NCOR2: variants seen among roughly 807,000 people sequenced by gnomAD.
The protein encoded by NCOR2 is nuclear receptor corepressor 2.
In NCOR2, 81 loss-of-function variants were observed where a neutral mutation model predicts 262.9. The observed-to-expected ratio is 0.31, with a 90% CI of 0.26 to 0.37. The LOEUF is 0.37. Ranked by LOEUF, NCOR2 falls within the 10% of genes least tolerant of loss-of-function variation. NCOR2 has a pLI of 1.00. For missense variants in NCOR2, 3,385 were observed against 3,621.4 expected (o/e 0.93, Z 1.68); for synonymous variants, 1,659 against 1,559.3 (o/e 1.06, Z -1.51).
chr12:124,400,740 A>G (rs2041947349), intron 14 of NCOR2, 67 bp from the exon 17 acceptor site: 12 of 1,578,426 alleles, frequency 7.6e-6, no homozygotes, highest in Non-Finnish European at 1.0e-5. Flanking sequence ...CCACTGGAGG[A>G]GACTGTTTCT....
intron 4 of NCOR2, 79 bp from the exon 7 acceptor site, chr12:124,466,365 GC>G: frequency 7.4e-7 from 1 of 1,354,354 alleles, no homozygotes; most frequent in East Asian, 2.5e-5. Context: ...GCGCGGGGAG[GC>G]CCCCTTGCAG....
Position 124,503,646 on chromosome 12 carries a change from G to C in NCOR2, c.-117-8278C>G, listed in dbSNP as rs997692311. Among the ~76,000 whole-genome samples, 1 of 148,246 alleles carries C rather than the reference G, an allele frequency of 6.7e-6. No individual in the cohort carries two copies. The highest frequency in any genetic ancestry group is 1.5e-5 in the Non-Finnish European group (1 of 67,374). ...TGGATGGATGGATGGGCGAATGGAT[G>C]GATGGATGGATGGATGGACGGGTGA... is the stretch of plus-strand genomic sequence containing the variant. On this transcript the variant is annotated intron_variant, in intron 1 of 46. Transcript: ENST00000404621. This position sits in a 1 kb window ranked among gnomAD's most constrained non-coding sequence, Gnocchi z 4.3.
rs1250156028 is a variant in NCOR2, at chr12:124,331,051, G to A, written c.6905-153C>T. ...TGCAGCAGGCCTGGGACAGGGCCAA[G>A]CGTCTGCATTTCTTTTTTTTTTTTT... On this transcript the variant is annotated intron_variant, in intron 43 of 46. Coordinates refer to ENST00000405201, the Ensembl canonical transcript of NCOR2. Among the ~76,000 whole-genome samples the A allele has an allele frequency of 5.1e-4, 78 of 151,524 alleles. 2 individuals are homozygous for A. The highest frequency in any genetic ancestry group is 5.1e-3 in the Admixed American group (78 of 15,176).
chr12:124,361,992 GTTCCA>G, intron 22 of NCOR2, 129 bp downstream of exon 24: 1 of 802,598 alleles, frequency 1.2e-6, no homozygotes, highest in Non-Finnish European at 1.7e-6. Context: ...CTGCTCAACT[GTTCCA>G]TTCGTTTACT....
At chr12:124,328,072 C>T (rs188967239) in intron 44 of NCOR2, among the ~76,000 whole-genome samples, 98 of 152,124 alleles carry the variant, frequency 6.4e-4, no homozygotes, top group African/African-American at 2.3e-3. Flanking sequence ...GATGGGAGGG[C>T]TACCCTGTTT....
At chr12:124,342,188 T>C in intron 33 of NCOR2, 114 bp from the exon 36 acceptor site, 2 of 1,289,234 alleles carry the variant, frequency 1.6e-6, no homozygotes, top group Non-Finnish European at 2.1e-6. Flanking sequence ...CCCACCTACA[T>C]GTGTGGCTGC....
At chr12:124,402,326 C>A in intron 14 of NCOR2, 78 bp downstream of exon 16, 2 of 1,588,110 alleles carry the variant, frequency 1.3e-6, no homozygotes, top group Admixed American at 1.7e-5. Flanking sequence ...CCCGTCTCTA[C>A]AAAGGGTCCC....
chr12:124,438,535 C>G (rs1028778893), intron 7 of NCOR2, among the ~76,000 whole-genome samples: 9 of 149,654 alleles, frequency 6.0e-5, no homozygotes, highest in Admixed American at 2.0e-4. Flanking sequence ...GGCCACCAGG[C>G]ATGGACTTCA....
intron 44 of NCOR2, 121 bp downstream of exon 46, chr12:124,330,724 A>G: frequency 8.8e-7 from 1 of 1,138,920 alleles, no homozygotes; most frequent in Non-Finnish European, 1.3e-6. Context: ...AGTTCATCCC[A>G]GAATGAGGGG....
At chr12:124,377,331 C>T (rs1019773706) in intron 18 of NCOR2, among the ~76,000 whole-genome samples, 3 of 152,116 alleles carry the variant, frequency 2.0e-5, no homozygotes, top group African/African-American at 4.8e-5. Context: ...GTACCTGGGG[C>T]GCCTGGGCCC....
At chr12:124,358,525 A>G (rs987833363) in intron 22 of NCOR2, among the ~76,000 whole-genome samples, 1 of 152,210 alleles carries the variant, frequency 6.6e-6, no homozygotes, top group Non-Finnish European at 1.5e-5. Context: ...GGTACTCAGC[A>G]CAGGCACTGT....
chr12:124,437,855 C>A, intron 8 of NCOR2, 75 bp downstream of exon 10: 2 of 1,413,966 alleles, frequency 1.4e-6, no homozygotes, highest in South Asian at 1.2e-5. Flanking sequence ...AGGGCCCCGG[C>A]AGGTGTGGCC....
At position 124,374,396 on chromosome 12, in the gene NCOR2, G is replaced by C. The variant is rs1312087101; in HGVS notation, c.2218+17C>G. 2.7e-5 allele frequency: 43 copies of C among 1,611,852 alleles called. No homozygotes were observed. The highest frequency in any genetic ancestry group is 3.5e-5 in the Non-Finnish European group (41 of 1,179,248). The stretch of plus-strand genomic sequence containing the variant: ...CGGCCCGGCCCTACCCCCCAGGCCA[G>C]CCGGCCACATTCGTACCTGGGCCAC... On this transcript the variant is annotated intron_variant, in intron 19 of 46. Coordinates refer to ENST00000405201, the Ensembl canonical transcript of NCOR2.
intron 1 of NCOR2, among the ~76,000 whole-genome samples, chr12:124,524,032 G>C (rs148668774): frequency 7.2e-4 from 109 of 152,320 alleles, no homozygotes; most frequent in African/African-American, 2.6e-3. Flanking sequence ...TGTCAGACGT[G>C]ACTTCCCAAG....
chr12:124,386,807 G>A (rs1006813359), intron 16 of NCOR2, among the ~76,000 whole-genome samples: 3 of 152,250 alleles, frequency 2.0e-5, no homozygotes, highest in Non-Finnish European at 2.9e-5. Context: ...TCTGCCCGGC[G>A]AGCTGCGGCA....
intron 32 of NCOR2, among the ~76,000 whole-genome samples, 195 bp downstream of exon 34, chr12:124,344,402 G>C (rs1243155318): frequency 6.6e-6 from 1 of 152,220 alleles, no homozygotes; most frequent in Non-Finnish European, 1.5e-5. Context: ...ACACCACGGT[G>C]GTCTGGGAGG....
In NCOR2 at chr12:124,566,072, G is replaced by A. The variant is rs1400422774; in HGVS notation, c.-165+1236C>T. On this transcript the variant is annotated intron_variant, in intron 1 of 32. Transcript: ENST00000458234. The surrounding 1 kb of genome is among the most constrained non-coding windows in gnomAD (Gnocchi z 4.3). ...AAGGCCACCGGTAACACATCCCAAC[G>A]CGCCCAGAACTCCCCCACCCCGCCC... 6.6e-6 allele frequency among the ~76,000 whole-genome samples: 1 copy of A among 152,130 alleles called. No individual in the cohort carries two copies. The highest frequency in any genetic ancestry group is 1.5e-5 in the Non-Finnish European group (1 of 68,026).
At chr12:124,502,114 A>G (rs541594927) in intron 1 of NCOR2, among the ~76,000 whole-genome samples, 1 of 152,334 alleles carries the variant, frequency 6.6e-6, no homozygotes, top group South Asian at 2.1e-4. Flanking sequence ...ATGCTCAGGA[A>G]TCCAGCTCTG....
chr12:124,462,599 C>G (rs2046225440), intron 5 of NCOR2, among the ~76,000 whole-genome samples: 1 of 152,216 alleles, frequency 6.6e-6, no homozygotes, highest in Non-Finnish European at 1.5e-5. Context: ...GTTTTGATGA[C>G]CAGGTGGCCG....
Sources: gnomAD v4.1 joint callset for allele counts (sites outside exome capture counted in the v4.1 genomes callset) on GRCh38, gnomAD v4.1.1 for gene constraint, Gnocchi (gnomAD v3.1) non-coding constraint, MANE v1.5 for transcripts, NCBI Gene and HGNC (gene_info 2026-07-23, HGNC 2026-07-21) for gene names.